Variants in NRG1 observed in about 807,000 individuals in gnomAD.
NRG1 encodes the protein neuregulin 1.
In NRG1, 18 loss-of-function variants were observed where a neutral mutation model predicts 63.8. The ratio of observed to expected loss-of-function variants is 0.28; its 90% CI spans 0.19 to 0.42. The LOEUF (loss-of-function observed/expected upper bound fraction) is 0.42. NRG1 is among the 10% of genes least tolerant of loss of function. The pLI, the probability that NRG1 is intolerant of heterozygous loss-of-function variation, is 1.00. For synonymous variants in NRG1, 302 were observed against 301.3 expected, an observed-to-expected ratio of 1.00 and a Z score of -0.02; for missense variants, 762 against 814.7, an observed-to-expected ratio of 0.94 and a Z score of 0.79.
At chr8:32,412,773 A>G (rs1345400634) in intron 1 of NRG1, among the ~76,000 whole-genome samples, 2 of 152,032 alleles carry the variant, frequency 1.3e-5, no homozygotes, top group Non-Finnish European at 2.9e-5. Context: ...GTCTCTAAAC[A>G]TAGAAAAACA....
chr8:32,767,402 T>C (rs559034257), exon 12 of NRG1: 1 of 152,324 alleles, frequency 6.6e-6, no homozygotes, highest in Middle Eastern at 3.4e-3. Context: ...TAATACTGGC[T>C]GCATTCCACC....
At chr8:32,231,212 G>A (rs1846899453) in intron 1 of NRG1, among the ~76,000 whole-genome samples, 1 of 152,080 alleles carries the variant, frequency 6.6e-6, no homozygotes, top group Non-Finnish European at 1.5e-5. Flanking sequence ...AATTAAAAAA[G>A]GAGAGTTGAA....
chr8:32,097,321 C>G (rs1015332541), intron 1 of NRG1, among the ~76,000 whole-genome samples: 2 of 151,910 alleles, frequency 1.3e-5, no homozygotes, highest in Non-Finnish European at 2.9e-5. Context: ...TGAAGTTATC[C>G]CTTTGATGTG....
chr8:32,548,038 C>A (rs1833286259), upstream of NRG1, among the ~76,000 whole-genome samples: 1 of 152,234 alleles, frequency 6.6e-6, no homozygotes, highest in East Asian at 2.0e-4. Context: ...GCCTCGGTCT[C>A]CGCGCAGCGT....
chr8:32,316,037 A>G (rs1857345478), intron 1 of NRG1, among the ~76,000 whole-genome samples: 1 of 148,500 alleles, frequency 6.7e-6, no homozygotes, highest in South Asian at 2.1e-4. Context: ...TTAGAATACA[A>G]ATACATGATA....
chr8:31,709,596 T>C (rs555188642), intron 1 of NRG1, among the ~76,000 whole-genome samples: 80 of 152,164 alleles, frequency 5.3e-4, no homozygotes, highest in Non-Finnish European at 1.6e-4. Flanking sequence ...GGTTTCAGAG[T>C]ATTAATAATT....
intron 1 of NRG1, among the ~76,000 whole-genome samples, chr8:31,968,243 A>G (rs551422547): frequency 6.6e-6 from 1 of 152,352 alleles, no homozygotes; most frequent in African/African-American, 2.4e-5. Flanking sequence ...ATACACTGAC[A>G]TTGATTAATC....
intron 1 of NRG1, among the ~76,000 whole-genome samples, chr8:31,759,634 T>G (rs1220332578): frequency 6.6e-6 from 1 of 152,116 alleles, no homozygotes; most frequent in Non-Finnish European, 1.5e-5. Flanking sequence ...AATTTTAAAG[T>G]TAGTTAGCAT....
At chr8:32,724,695 A>G (rs1821618959) in intron 5 of NRG1, among the ~76,000 whole-genome samples, 1 of 152,172 alleles carries the variant, frequency 6.6e-6, no homozygotes, top group East Asian at 1.9e-4. Context: ...GAGCAGCTGC[A>G]TCCACTCAGG....
chr8:32,439,407 C>G (rs1819219658), intron 1 of NRG1, among the ~76,000 whole-genome samples: 1 of 152,116 alleles, frequency 6.6e-6, no homozygotes, highest in Admixed American at 6.6e-5. Flanking sequence ...TCATGACAGT[C>G]TTGTTTTCTA....
intron 1 of NRG1, among the ~76,000 whole-genome samples, chr8:32,240,610 G>A (rs1243184133): frequency 1.3e-5 from 2 of 152,024 alleles, no homozygotes; most frequent in Non-Finnish European, 2.9e-5. Flanking sequence ...TTCCGTAAAT[G>A]TCAAATCTTT....
At chr8:31,753,001 A>G (rs1281512021) in intron 1 of NRG1, among the ~76,000 whole-genome samples, 2 of 152,026 alleles carry the variant, frequency 1.3e-5, no homozygotes, top group Non-Finnish European at 2.9e-5. Context: ...TGTCACTTTG[A>G]GCAATTTATT....
At chr8:31,737,432 GT>G (rs1814797236) in intron 1 of NRG1, among the ~76,000 whole-genome samples, 1 of 151,936 alleles carries the variant, frequency 6.6e-6, no homozygotes, top group African/African-American at 2.4e-5. Context: ...CAAGAATTGC[GT>G]TTTGAAGACT....
At chr8:32,392,553 A>G (rs1299979631) in intron 1 of NRG1, among the ~76,000 whole-genome samples, 8 of 152,192 alleles carry the variant, frequency 5.3e-5, no homozygotes, top group Non-Finnish European at 2.9e-5. Context: ...TACCATTATC[A>G]TCTATTTATC....
chr8:31,967,149 C>A (rs1161963974), intron 1 of NRG1, among the ~76,000 whole-genome samples: 1 of 151,920 alleles, frequency 6.6e-6, no homozygotes, highest in African/African-American at 2.4e-5. Context: ...CAAAGAAAAG[C>A]CAAATAGTTA....
At chr8:31,769,891 C>A (rs1259854571) in intron 1 of NRG1, among the ~76,000 whole-genome samples, 3 of 152,132 alleles carry the variant, frequency 2.0e-5, no homozygotes, top group Non-Finnish European at 4.4e-5. Context: ...TGAGAAACAG[C>A]AAACCCTAAG....
At chr8:32,649,047 T>C (rs1854348089) in intron 5 of NRG1, among the ~76,000 whole-genome samples, 1 of 152,220 alleles carries the variant, frequency 6.6e-6, no homozygotes, top group Admixed American at 6.5e-5. Context: ...CAGGACACAG[T>C]AGGATTCTGC....
chr8:32,427,222 T>C (rs2129486493), intron 1 of NRG1, among the ~76,000 whole-genome samples: 1 of 152,324 alleles, frequency 6.6e-6, no homozygotes, highest in Middle Eastern at 3.4e-3. Flanking sequence ...ATGAGTTTGA[T>C]ACTTTTTTCC....
chr8:31,987,330 GTGTGTGTGTGTGTGTGTGTA>G (rs1439895883), intron 1 of NRG1, among the ~76,000 whole-genome samples: 3 of 147,702 alleles, frequency 2.0e-5, no homozygotes, highest in Non-Finnish European at 4.5e-5. Context: ...ATGTGTGTGT[GTGTGTGTGTGTGTGTGTGTA>G]TGTGTGTGAA....
Sources: allele counts gnomAD v4.1 joint callset (sites outside exome capture counted in the v4.1 genomes callset), GRCh38; gene constraint gnomAD v4.1.1; transcripts MANE v1.5; gene names NCBI Gene and HGNC (gene_info 2026-07-23, HGNC 2026-07-21).